The following AGTPBP1 variants were observed in gnomAD, a reference collection of about 807,000 sequenced individuals.
The protein encoded by AGTPBP1 is cytosolic carboxypeptidase 1.
Under a neutral mutation model 143.9 loss-of-function variants are expected in AGTPBP1, and 70 were observed. That is an observed-to-expected ratio of 0.49 (90% CI 0.40 to 0.59). The LOEUF (loss-of-function observed/expected upper bound fraction) is 0.59. AGTPBP1 is among the 20% of genes least tolerant of loss of function. AGTPBP1 has a pLI of 0.00. For synonymous variants in AGTPBP1, 463 were observed against 500.2 expected, an observed-to-expected ratio of 0.93 and a Z score of 0.99; for missense variants, 1,229 against 1,464.5, an observed-to-expected ratio of 0.84 and a Z score of 2.62.
Position 85,697,455 on chromosome 9 carries a change from T to TG in AGTPBP1, c.33-4643_33-4642insC, listed in dbSNP as rs1011635135. Among the ~76,000 whole-genome samples the TG allele has an allele frequency of 6.2e-4, 83 of 133,760 alleles. No individual in the cohort carries two copies. In the East Asian group the frequency reaches 0.012, roughly 20 times the overall value. The allele number at this position is 133,760 out of a possible 152,430, so 87.8% of individuals were successfully genotyped here. A position where few individuals can be genotyped will look rare whatever the true frequency, so the allele number is the denominator to read the frequency against. On this transcript the variant is annotated intron_variant, in intron 2 of 25. Transcript: ENST00000357081. Reference sequence around the variant, plus strand: ...CTTAATTTGTTTTTTGTTTTTTTTTTTTTTTTTTTTTTTTTGAGGCAGAGT... The same window carrying TG: ...CTTAATTTGTTTTTTGTTTTTTTTTTGTTTTTTTTTTTTTTTGAGGCAGAGT...
At chr9:85,776,323 A>T in the AGTPBP1 span, among the ~76,000 whole-genome samples, 2 of 152,348 alleles carry the variant, frequency 1.3e-5, no homozygotes, top group Non-Finnish European at 2.9e-5. Context: ...GCAGCTGGTC[A>T]CATGGTCATA....
chr9:85,586,707 A>G (rs1390759368), intron 22 of AGTPBP1, 124 bp downstream of exon 22: 3 of 1,198,768 alleles, frequency 2.5e-6, no homozygotes, highest in Non-Finnish European at 2.3e-6. Flanking sequence ...ATTCAACCTT[A>G]TAAAATTAAG....
At chr9:85,781,302 T>C in the AGTPBP1 span, 1 of 1,569,908 alleles carries the variant, frequency 6.4e-7, no homozygotes, top group African/African-American at 1.4e-5. Flanking sequence ...CCAGCCGGGA[T>C]CATAAGAAGA....
At chr9:85,705,763 T>C (rs1018785354) in intron 2 of AGTPBP1, among the ~76,000 whole-genome samples, 3 of 152,066 alleles carry the variant, frequency 2.0e-5, no homozygotes, top group Admixed American at 2.0e-4. Context: ...TGATCTCGGC[T>C]CACTGCAAGC....
the AGTPBP1 span, among the ~76,000 whole-genome samples, chr9:85,765,382 C>T: frequency 2.6e-4 from 39 of 152,130 alleles, no homozygotes; most frequent in Non-Finnish European, 5.0e-4. Flanking sequence ...TTAAAAGGCC[C>T]AATGTCCATA....
At chr9:85,636,980 C>T (rs1035933479) in intron 13 of AGTPBP1, among the ~76,000 whole-genome samples, 3 of 151,664 alleles carry the variant, frequency 2.0e-5, no homozygotes, top group Non-Finnish European at 2.9e-5. Flanking sequence ...ATACATACCA[C>T]CCAGCAAGTT....
intron 2 of AGTPBP1, among the ~76,000 whole-genome samples, chr9:85,702,625 T>C (rs1437713968): frequency 6.6e-6 from 1 of 152,032 alleles, no homozygotes; most frequent in Non-Finnish European, 1.5e-5. Context: ...TTCCTAAAAA[T>C]GTTATTTCTG....
chr9:85,635,812 A>AAC lies in AGTPBP1; in HGVS notation c.1303-2440_1303-2439dup, dbSNP rs947983937. Among the ~76,000 whole-genome samples, 22 of 151,916 alleles carry AAC rather than the reference A, an allele frequency of 1.4e-4. No homozygotes were observed. In the East Asian group the frequency reaches 4.1e-3, roughly 28 times the overall value. ...ACATCTTCAGTATATAGGTCCTAGA[A>AAC]ACACTCCCACCACAAAAGAAAAAAA... On this transcript the variant is annotated intron_variant, in intron 13 of 25. Coordinates refer to ENST00000357081, the MANE Select transcript of AGTPBP1 (RefSeq NM_001330701.2).
the AGTPBP1 span, among the ~76,000 whole-genome samples, chr9:85,794,782 G>A: frequency 1.3e-5 from 2 of 152,094 alleles, no homozygotes; most frequent in African/African-American, 2.4e-5. Flanking sequence ...ATGAACATGG[G>A]CTGTCTTTCC....
chr9:85,682,172 T>TAAA (rs745339958), intron 3 of AGTPBP1, among the ~76,000 whole-genome samples: 1,114 of 85,774 alleles, frequency 0.013, 51 homozygotes, highest in African/African-American at 0.042. Context: ...TAGGATTGGT[T>TAAA]AAAAAAAAAA....
At chr9:85,604,386 C>T (rs886716666) in intron 17 of AGTPBP1, among the ~76,000 whole-genome samples, 1 of 152,232 alleles carries the variant, frequency 6.6e-6, no homozygotes, top group African/African-American at 2.4e-5. Flanking sequence ...CTCTACAAGT[C>T]TGCAAGAGTC....
At chr9:85,660,137 C>T (rs1442112886) in intron 9 of AGTPBP1, among the ~76,000 whole-genome samples, 1 of 151,728 alleles carries the variant, frequency 6.6e-6, no homozygotes, top group African/African-American at 2.4e-5. Flanking sequence ...GTTGGTCTCA[C>T]CCCTGACAGA....
intron 13 of AGTPBP1, among the ~76,000 whole-genome samples, 200 bp downstream of exon 13, chr9:85,642,627 C>T (rs903256508): frequency 4.0e-5 from 6 of 151,352 alleles, no homozygotes; most frequent in Admixed American, 2.6e-4. Context: ...CCACCACGCC[C>T]GGCCCATCTC....
rs570284915 is a variant in AGTPBP1 at position 85,595,574 on chromosome 9, T to A, written c.2423+788A>T. 2.2e-3 allele frequency among the ~76,000 whole-genome samples: 334 copies of A among 152,364 alleles called. 1 individual carries two copies. The highest frequency in any genetic ancestry group is 7.6e-3 in the African/African-American group (316 of 41,584). ...CGGAGTCTTGCTCTGTCACCGAGGC[T>A]GGAGTGCAGTGGTGCGATCTCGGCT... On this transcript the variant is annotated intron_variant, in intron 18 of 25. Transcript: ENST00000357081.
chr9:85,639,226 A>G (rs1441904092), intron 13 of AGTPBP1, among the ~76,000 whole-genome samples: 2 of 152,194 alleles, frequency 1.3e-5, no homozygotes, highest in East Asian at 1.9e-4. Context: ...ATCAAAAAAA[A>G]TAAGTTTCAG....
At chr9:85,576,308 A>G (rs542918862) in intron 24 of AGTPBP1, among the ~76,000 whole-genome samples, 1 of 152,230 alleles carries the variant, frequency 6.6e-6, no homozygotes, top group Admixed American at 6.5e-5. Context: ...TCAATTCAAG[A>G]GAAAGTATTT....
At chr9:85,726,320 T>C (rs1428831068) in intron 1 of AGTPBP1, among the ~76,000 whole-genome samples, 1 of 152,230 alleles carries the variant, frequency 6.6e-6, no homozygotes, top group Non-Finnish European at 1.5e-5. Context: ...GGCGCAAGCT[T>C]TGCAAAACAT....
intron 23 of AGTPBP1, among the ~76,000 whole-genome samples, chr9:85,579,385 T>A (rs1828097700): frequency 6.6e-6 from 1 of 151,938 alleles, no homozygotes; most frequent in Non-Finnish European, 1.5e-5. Flanking sequence ...TCTAAAAATA[T>A]GAAAAAAATG....
the AGTPBP1 span, among the ~76,000 whole-genome samples, chr9:85,768,704 C>T: frequency 1.3e-5 from 2 of 151,928 alleles, no homozygotes; most frequent in Non-Finnish European, 2.9e-5. Context: ...AGTGATTGCA[C>T]AGAGAAATAG....
Sources: allele counts gnomAD v4.1 joint callset (sites outside exome capture counted in the v4.1 genomes callset), GRCh38; gene constraint gnomAD v4.1.1; transcripts MANE v1.5; gene names NCBI Gene and HGNC (gene_info 2026-07-23, HGNC 2026-07-21).